The following ZNF385B variants were observed in gnomAD, a reference collection of about 807,000 sequenced individuals.
ZNF385B encodes the protein zinc finger protein 533.
A neutral mutation model predicts 39.2 loss-of-function variants in ZNF385B; 23 were observed. The observed-to-expected ratio is 0.59, with a 90% CI of 0.42 to 0.83. ZNF385B has a LOEUF of 0.83. Among genes scored for constraint, ZNF385B ranks in the 40% least tolerant of loss-of-function variants. The probability of loss-of-function intolerance (pLI) is 0.00; values close to 1 mark genes in which losing one functional copy is unlikely to be tolerated. For synonymous variants in ZNF385B, 205 were observed against 222.6 expected (o/e 0.92, Z 0.70); for missense variants, 552 against 598.9 (o/e 0.92, Z 0.82).
At chr2:179,726,319 A>G (rs954169314) in intron 3 of ZNF385B, among the ~76,000 whole-genome samples, 2 of 151,786 alleles carry the variant, frequency 1.3e-5, no homozygotes, top group Non-Finnish European at 2.9e-5. Flanking sequence ...ACCTCTCCAT[A>G]TCCTTTGTGT....
intron 5 of ZNF385B, among the ~76,000 whole-genome samples, chr2:179,500,579 A>G (rs564993518): frequency 9.9e-5 from 15 of 152,252 alleles, no homozygotes; most frequent in Admixed American, 2.0e-4. Context: ...ATCTCTTGCC[A>G]TATATAAAAA....
At chr2:179,690,444 T>C (rs1003864649) in intron 3 of ZNF385B, among the ~76,000 whole-genome samples, 5 of 152,208 alleles carry the variant, frequency 3.3e-5, no homozygotes, top group Non-Finnish European at 7.4e-5. Flanking sequence ...CCTCCTCATA[T>C]GCAGGTTTTA....
At chr2:179,657,381 T>G (rs973167327) in intron 3 of ZNF385B, among the ~76,000 whole-genome samples, 1 of 152,240 alleles carries the variant, frequency 6.6e-6, no homozygotes, top group African/African-American at 2.4e-5. Flanking sequence ...AGTAAGTTTA[T>G]GTAACGTTCC....
chr2:179,771,281 C>G (rs1184905647), intron 1 of ZNF385B, among the ~76,000 whole-genome samples: 2 of 152,136 alleles, frequency 1.3e-5, no homozygotes, highest in African/African-American at 4.8e-5. Context: ...TGTTCACAAG[C>G]AGGATGTTTA....
At chr2:179,524,500 C>T (rs886740079) in intron 4 of ZNF385B, among the ~76,000 whole-genome samples, 1 of 127,276 alleles carries the variant, frequency 7.9e-6, no homozygotes, top group Non-Finnish European at 1.6e-5. Flanking sequence ...TGCAGTGAGC[C>T]GAGATCGTGC....
intron 3 of ZNF385B, among the ~76,000 whole-genome samples, chr2:179,761,103 T>C (rs1703356853): frequency 6.6e-6 from 1 of 152,156 alleles, no homozygotes; most frequent in South Asian, 2.1e-4. Flanking sequence ...TCTCTCTCTC[T>C]CTCTCTCCAA....
At chr2:179,510,998 C>G (rs1195993629) in intron 5 of ZNF385B, among the ~76,000 whole-genome samples, 1 of 152,182 alleles carries the variant, frequency 6.6e-6, no homozygotes, top group Non-Finnish European at 1.5e-5. Flanking sequence ...AGTGGGTACC[C>G]TTGCAGCTGT....
intron 3 of ZNF385B, among the ~76,000 whole-genome samples, chr2:179,675,646 A>C (rs1696653081): frequency 6.6e-6 from 1 of 152,142 alleles, no homozygotes. Context: ...CAGGAGGAAA[A>C]GGGCAGGTAT....
At chr2:179,809,614 T>C (rs1034193678) in intron 1 of ZNF385B, among the ~76,000 whole-genome samples, 4 of 152,084 alleles carry the variant, frequency 2.6e-5, no homozygotes, top group Non-Finnish European at 5.9e-5. Flanking sequence ...AAGACATAAG[T>C]ATGACATCTG....
chr2:179,546,678 T>C (rs2060253720), intron 3 of ZNF385B, among the ~76,000 whole-genome samples: 1 of 152,204 alleles, frequency 6.6e-6, no homozygotes, highest in Non-Finnish European at 1.5e-5. Flanking sequence ...AGTGTTGCTA[T>C]AAACTTGGGA....
intron 3 of ZNF385B, among the ~76,000 whole-genome samples, chr2:179,712,708 C>A (rs1386846494): frequency 6.6e-6 from 1 of 152,178 alleles, no homozygotes; most frequent in Non-Finnish European, 1.5e-5. Context: ...AGAATTTGCA[C>A]TTTAACAAGA....
chr2:179,505,326 T>C (rs1455319606), intron 5 of ZNF385B, among the ~76,000 whole-genome samples: 1 of 152,096 alleles, frequency 6.6e-6, no homozygotes, highest in East Asian at 1.9e-4. Context: ...AGGAGATTGT[T>C]AGTATTTTTA....
chr2:179,800,552 A>G (rs923986803), intron 1 of ZNF385B, among the ~76,000 whole-genome samples: 1 of 152,078 alleles, frequency 6.6e-6, no homozygotes, highest in African/African-American at 2.4e-5. Flanking sequence ...TGTATATAGA[A>G]TTTTTAGTTC....
chr2:179,728,836 TA>T (rs1194318288), intron 3 of ZNF385B, among the ~76,000 whole-genome samples: 1 of 152,108 alleles, frequency 6.6e-6, no homozygotes, highest in East Asian at 1.9e-4. Context: ...TTTATAACTT[TA>T]AAGCCCATTA....
intron 6 of ZNF385B, among the ~76,000 whole-genome samples, chr2:179,476,875 A>G (rs1047003109): frequency 1.3e-5 from 2 of 152,226 alleles, no homozygotes; most frequent in African/African-American, 4.8e-5. Context: ...TTCAGACTTA[A>G]GATGTTATAA....
intron 1 of ZNF385B, among the ~76,000 whole-genome samples, chr2:179,819,474 G>A (rs1227421707): frequency 6.6e-6 from 1 of 152,172 alleles, no homozygotes; most frequent in African/African-American, 2.4e-5. Context: ...ACCTGCCACT[G>A]TGCTTCATAA....
intron 3 of ZNF385B, among the ~76,000 whole-genome samples, chr2:179,583,681 A>C (rs578207436): frequency 4.6e-5 from 7 of 152,358 alleles, no homozygotes; most frequent in South Asian, 2.1e-4. Flanking sequence ...AAACATGTAC[A>C]TAGTTATACC....
At position 179,549,703 on chromosome 2, in the gene ZNF385B, G is replaced by A. The variant is rs139919105; in HGVS notation, c.299-4734C>T. On this transcript the variant is annotated intron_variant, in intron 3 of 9. Transcript: ENST00000410066. ...GTTCCAGAACATTATTGGCAATAGT[G>A]TTTAATGGACTGTCATACTTCATTT... Among the ~76,000 whole-genome samples the A allele has an allele frequency of 2.5e-3, 369 of 149,564 alleles. 34 individuals are homozygous for A. Among genetic ancestry groups the A allele is most frequent in the African/African-American group, 8.9e-3 (356 of 39,794 alleles).
chr2:179,612,262 G>C lies in ZNF385B; in HGVS notation c.299-67293C>G, dbSNP rs9678040. Among the ~76,000 whole-genome samples the C allele has an allele frequency of 7.6e-3, 1,153 of 152,212 alleles. 16 individuals are homozygous for C. Among genetic ancestry groups the C allele is most frequent in the African/African-American group, 0.026 (1,081 of 41,510 alleles). On this transcript the variant is annotated intron_variant, in intron 3 of 9. Transcript: ENST00000410066. ...TGTTTGGTGAGGTCATGTTTTCCTG[G>C]ATGGCCTTAATGCGTGTGGATGTTT...
Sources: allele counts gnomAD v4.1 joint callset (sites outside exome capture counted in the v4.1 genomes callset), GRCh38; gene constraint gnomAD v4.1.1; transcripts MANE v1.5; gene names NCBI Gene and HGNC (gene_info 2026-07-23, HGNC 2026-07-21).